ZPLD1: variants seen among roughly 807,000 people sequenced by gnomAD.
ZPLD1 encodes zona pellucida like domain containing 1.
A neutral mutation model predicts 47.2 loss-of-function variants in ZPLD1; 34 were observed. That is an observed-to-expected ratio of 0.72 (90% CI 0.55 to 0.96). The LOEUF (loss-of-function observed/expected upper bound fraction) is 0.96, where lower values mean the gene tolerates loss of function less well. ZPLD1 is among the 40% of genes least tolerant of loss of function. ZPLD1 has a pLI of 0.00. For synonymous variants in ZPLD1, 176 were observed against 186.2 expected (o/e 0.95, Z 0.45); for missense variants, 512 against 505.8 (o/e 1.01, Z -0.12).
At chr3:102,385,424 A>AT (rs1054978531) in intron 6 of ZPLD1, 6 of 152,166 alleles carry the variant, frequency 3.9e-5, no homozygotes, top group Admixed American at 3.9e-4. Context: ...TAATCTTTGG[A>AT]TTTTTCCAAT....
At position 102,479,757 on chromosome 3, in the gene ZPLD1, C is replaced by T. The variant is rs768600693; in HGVS notation, c.*2139C>T. On this transcript the variant is annotated 3_prime_UTR_variant, in exon 12 of 12. Transcript: ENST00000466937. ...TGCAAATGTTTCTTCAGTTTTAATA[C>T]CTCAAACTGTTTTTTGCACTTCAGG... The T allele has an allele frequency of 1.2e-4, 19 of 152,052 alleles. No individual in the cohort carries two copies. The highest frequency in any genetic ancestry group is 2.5e-4 in the Non-Finnish European group (17 of 67,996). The allele number at this position is 152,052 out of a possible 1,614,324, so 9.4% of individuals were successfully genotyped here.
Position 102,397,607 on chromosome 3 carries a change from T to C in ZPLD1, c.-157+5382T>C, listed in dbSNP as rs551809919. ...ACAAGTAGTGATATTTGGTCTGTGT[T>C]ATGTCAGTCTCTTGTATTCTATTTC... On this transcript the variant is annotated intron_variant, in intron 7 of 17. Transcript: ENST00000491959. 2.0e-3 allele frequency among the ~76,000 whole-genome samples: 307 copies of C among 152,258 alleles called. 1 individual carries two copies. The highest frequency in any genetic ancestry group is 3.4e-3 in the Middle Eastern group (1 of 294).
intron 8 of ZPLD1, among the ~76,000 whole-genome samples, chr3:102,422,749 A>G (rs2107307714): frequency 6.6e-6 from 1 of 152,190 alleles, no homozygotes; most frequent in South Asian, 2.1e-4. Flanking sequence ...TGGGAACTGT[A>G]GCAAGTCTAG....
chr3:102,477,407 G>A (rs1185012808), intron 11 of ZPLD1, 36 bp from the exon 12 acceptor site: 12 of 1,591,244 alleles, frequency 7.5e-6, no homozygotes, highest in Non-Finnish European at 1.0e-5. Context: ...ATATTATATG[G>A]GGCCTTTACA....
chr3:102,390,254 CT>C (rs1328245036), intron 6 of ZPLD1, among the ~76,000 whole-genome samples: 1 of 152,190 alleles, frequency 6.6e-6, no homozygotes, highest in African/African-American at 2.4e-5. Flanking sequence ...GTGCTTTCTA[CT>C]CTAACTAACT....
At position 102,456,263 on chromosome 3, in the gene ZPLD1, A is replaced by T. The variant is rs752226761; in HGVS notation, c.398A>T (p.Tyr133Phe). 2 of 1,613,940 alleles carry T rather than the reference A, an allele frequency of 1.2e-6. No homozygotes were observed. The highest frequency in any genetic ancestry group is 1.7e-6 in the Non-Finnish European group (2 of 1,179,904). The part of the protein sequence containing the change: ...TSVQVGNISG[Y>F]IDTPDPPTII... ...GTGCAAGTAGGAAATATTTCAGGAT[A>T]TATTGATACTCCAGACCCACCAACA... Residue 133 changes from tyrosine (Y) to phenylalanine (F), a missense_variant, in exon 5 of 12, where the codon TAT becomes TTT. By Grantham distance (22) the Tyr-to-Phe change is conservative (BLOSUM62 3). Transcript: ENST00000466937.
chr3:102,411,386 G>A (rs1706746157), intron 7 of ZPLD1, among the ~76,000 whole-genome samples: 1 of 151,780 alleles, frequency 6.6e-6, no homozygotes, highest in South Asian at 2.1e-4. Flanking sequence ...AGCTGGGTAG[G>A]AATAAACTGT....
upstream of ZPLD1, among the ~76,000 whole-genome samples, chr3:102,430,313 A>C (rs768496605): frequency 6.6e-6 from 1 of 152,216 alleles, no homozygotes; most frequent in Non-Finnish European, 1.5e-5. Context: ...TTTCTCAGAA[A>C]GTCTTTTCCT....
upstream of ZPLD1, chr3:102,434,995 T>A: frequency 9.0e-7 from 1 of 1,106,024 alleles, no homozygotes; most frequent in Admixed American, 1.9e-5. Context: ...GCAGCCAGGA[T>A]GATATGTTTT....
intron 10 of ZPLD1, among the ~76,000 whole-genome samples, chr3:102,472,361 G>A (rs1362589108): frequency 2.0e-5 from 3 of 151,998 alleles, no homozygotes; most frequent in Admixed American, 2.0e-4. Context: ...GTGAAAACCC[G>A]TCTCTACTAA....
intron 8 of ZPLD1, among the ~76,000 whole-genome samples, chr3:102,426,588 G>T (rs1706951204): frequency 6.6e-6 from 1 of 151,604 alleles, no homozygotes. Context: ...CCAATGTAAA[G>T]ATTTGTATAA....
intron 7 of ZPLD1, among the ~76,000 whole-genome samples, chr3:102,417,264 C>CTTTTGTT (rs1706820016): frequency 6.6e-6 from 1 of 151,996 alleles, no homozygotes; most frequent in Non-Finnish European, 1.5e-5. Context: ...AGGCTTCAAT[C>CTTTTGTT]TTCCACACAG....
chr3:102,471,205 G>C (rs1707680392), intron 10 of ZPLD1, among the ~76,000 whole-genome samples: 1 of 152,134 alleles, frequency 6.6e-6, no homozygotes, highest in African/African-American at 2.4e-5. Flanking sequence ...GGTTGGGCTT[G>C]ACCAATAGGT....
chr3:102,452,870 C>A, intron 3 of ZPLD1, 49 bp from the exon 4 acceptor site: 1 of 1,586,978 alleles, frequency 6.3e-7, no homozygotes, highest in South Asian at 1.1e-5. Flanking sequence ...TGTTATTTAT[C>A]TTTCTGCTTT....
At chr3:102,432,545 T>C (rs1707028781), upstream of ZPLD1, among the ~76,000 whole-genome samples, 1 of 152,230 alleles carries the variant, frequency 6.6e-6, no homozygotes, top group Admixed American at 6.5e-5. Context: ...TTTAAAAGTT[T>C]GATAAATTGT....
chr3:102,467,142 A>G (rs1707606953), intron 8 of ZPLD1, among the ~76,000 whole-genome samples: 1 of 152,132 alleles, frequency 6.6e-6, no homozygotes, highest in African/African-American at 2.4e-5. Context: ...GACATACGCA[A>G]TAAGCTATAT....
chr3:102,405,749 A>G (rs576717744), intron 7 of ZPLD1, among the ~76,000 whole-genome samples: 1 of 152,102 alleles, frequency 6.6e-6, no homozygotes, highest in East Asian at 1.9e-4. Flanking sequence ...TGGTAAAAGA[A>G]AATTTATTCT....
chr3:102,405,060 A>G (rs1706665653), intron 7 of ZPLD1, among the ~76,000 whole-genome samples: 1 of 151,988 alleles, frequency 6.6e-6, no homozygotes, highest in Non-Finnish European at 1.5e-5. Context: ...TTAACTGAAA[A>G]TTATGATTAA....
chr3:102,410,446 C>G (rs1706736835), intron 7 of ZPLD1, among the ~76,000 whole-genome samples: 1 of 151,676 alleles, frequency 6.6e-6, no homozygotes, highest in African/African-American at 2.4e-5. Context: ...AAAACTAGAA[C>G]ACCATAGAAG....
Sources: gnomAD v4.1 joint callset for allele counts (sites outside exome capture counted in the v4.1 genomes callset) on GRCh38, gnomAD v4.1.1 for gene constraint, MANE v1.5 for transcripts, NCBI Gene and HGNC (gene_info 2026-07-23, HGNC 2026-07-21) for gene names.